The following GABRB1 variants were observed in gnomAD, a reference collection of about 807,000 sequenced individuals.
The protein encoded by GABRB1 is gamma-aminobutyric acid type A receptor subunit beta1.
GABRB1 carries 17 observed loss-of-function variants against 51.6 expected under a neutral mutation model. The observed-to-expected ratio is 0.33, with a 90% CI of 0.23 to 0.49. GABRB1 has a LOEUF of 0.49. Ranked by LOEUF, GABRB1 falls within the 20% of genes least tolerant of loss-of-function variation. The probability of loss-of-function intolerance (pLI) is 0.99; values close to 1 mark genes in which losing one functional copy is unlikely to be tolerated. For missense variants in GABRB1, 410 were observed against 600.6 expected (o/e 0.68, Z 3.32); for synonymous variants, 247 against 218.9 (o/e 1.13, Z -1.14).
At chr4:47,243,822 T>C (rs1207252698) in intron 4 of GABRB1, among the ~76,000 whole-genome samples, 1 of 152,230 alleles carries the variant, frequency 6.6e-6, no homozygotes, top group East Asian at 1.9e-4. Context: ...AATCATGTCA[T>C]CTGCAAACAG....
rs139118574 is a variant in GABRB1 at position 47,339,988 on chromosome 4, G to T, written c.544+19779G>T. Among the ~76,000 whole-genome samples, 754 of 152,232 alleles carry T rather than the reference G, an allele frequency of 5.0e-3. 6 individuals carry two copies. Among genetic ancestry groups the T allele is most frequent in the African/African-American group, 0.017 (721 of 41,546 alleles). Reference sequence around the variant, plus strand: ...CCTCCAAAGTGCTAACTATAACTTTGTGCATATAAATGCATTTAGTTGAAA... The same window carrying T: ...CCTCCAAAGTGCTAACTATAACTTTTTGCATATAAATGCATTTAGTTGAAA... On this transcript the variant is annotated intron_variant, in intron 5 of 8. Transcript: ENST00000295454.
chr4:47,309,141 G>GA (rs1230012359), intron 4 of GABRB1, among the ~76,000 whole-genome samples: 1 of 151,978 alleles, frequency 6.6e-6, no homozygotes, highest in African/African-American at 2.4e-5. Context: ...TACAATTTAG[G>GA]AAAAATAGTA....
chr4:47,102,394 A>G (rs1311776666), intron 3 of GABRB1, among the ~76,000 whole-genome samples: 1 of 152,028 alleles, frequency 6.6e-6, no homozygotes, highest in Non-Finnish European at 1.5e-5. Context: ...ACTTCCAGGA[A>G]GTTTAAAAGA....
At chr4:47,092,609 C>CT (rs58016946) in intron 3 of GABRB1, among the ~76,000 whole-genome samples, 17,552 of 144,512 alleles carry the variant, frequency 0.12, 1,418 homozygotes, top group African/African-American at 0.23. Flanking sequence ...CAGTTTCTTT[C>CT]TTTTTTTTTT....
intron 3 of GABRB1, among the ~76,000 whole-genome samples, chr4:47,127,618 G>C (rs555968743): frequency 6.6e-6 from 1 of 151,296 alleles, no homozygotes; most frequent in African/African-American, 2.4e-5. Flanking sequence ...ATGTTTTCTC[G>C]TTATTCTTTT....
intron 4 of GABRB1, among the ~76,000 whole-genome samples, chr4:47,226,908 C>A (rs1396833570): frequency 6.6e-6 from 1 of 152,078 alleles, no homozygotes; most frequent in African/African-American, 2.4e-5. Context: ...GGAGCAGAGA[C>A]AATGGAAACA....
At chr4:47,041,006 C>A (rs1051910564) in intron 3 of GABRB1, among the ~76,000 whole-genome samples, 2 of 152,106 alleles carry the variant, frequency 1.3e-5, no homozygotes, top group African/African-American at 4.8e-5. Flanking sequence ...AGCATCTGGT[C>A]TCTTCTCCAC....
chr4:47,162,537 C>T (rs181949169), intron 4 of GABRB1, among the ~76,000 whole-genome samples: 109 of 152,006 alleles, frequency 7.2e-4, no homozygotes, highest in Admixed American at 1.8e-3. Context: ...CAAATTATTA[C>T]CAGCATCTAC....
intron 4 of GABRB1, among the ~76,000 whole-genome samples, chr4:47,284,699 C>T (rs924279962): frequency 6.6e-6 from 1 of 152,104 alleles, no homozygotes; most frequent in African/African-American, 2.4e-5. Context: ...AAAGGGCAAC[C>T]ATGATTGGTA....
chr4:47,111,515 G>A (rs1715208889), intron 3 of GABRB1, among the ~76,000 whole-genome samples: 2 of 152,044 alleles, frequency 1.3e-5, no homozygotes, highest in Admixed American at 1.3e-4. Flanking sequence ...TTTTAAACTT[G>A]AAATCGGTGC....
intron 1 of GABRB1, among the ~76,000 whole-genome samples, chr4:47,013,677 T>C (rs1305479985): frequency 6.6e-6 from 1 of 152,232 alleles, no homozygotes; most frequent in Admixed American, 6.5e-5. Flanking sequence ...CATTCTTTTA[T>C]TGACTTGGCT....
chr4:47,086,698 CTT>C (rs914612342), intron 3 of GABRB1, among the ~76,000 whole-genome samples: 45 of 152,290 alleles, frequency 3.0e-4, no homozygotes, highest in African/African-American at 9.4e-4. Flanking sequence ...TTATATCACT[CTT>C]ATTTCATTGG....
intron 4 of GABRB1, among the ~76,000 whole-genome samples, chr4:47,315,569 A>G (rs1724853272): frequency 6.6e-6 from 1 of 151,916 alleles, no homozygotes. Context: ...TACCTTAAAG[A>G]TACATACACA....
At chr4:47,080,413 T>C (rs1727779018) in intron 3 of GABRB1, among the ~76,000 whole-genome samples, 1 of 152,146 alleles carries the variant, frequency 6.6e-6, no homozygotes, top group South Asian at 2.1e-4. Flanking sequence ...AATAATACTA[T>C]TGTCAGTTTT....
intron 3 of GABRB1, among the ~76,000 whole-genome samples, chr4:47,102,258 G>A (rs1714755129): frequency 1.3e-5 from 2 of 151,906 alleles, no homozygotes; most frequent in Admixed American, 1.3e-4. Flanking sequence ...ATAATATTTT[G>A]CTTTCATTAG....
intron 4 of GABRB1, among the ~76,000 whole-genome samples, chr4:47,234,660 A>G (rs188640243): frequency 4.6e-4 from 70 of 152,286 alleles, no homozygotes; most frequent in African/African-American, 1.5e-3. Context: ...CTGCCATCTT[A>G]AATTTAAGTT....
chr4:47,329,967 T>A (rs982429646), intron 5 of GABRB1, among the ~76,000 whole-genome samples: 2 of 151,994 alleles, frequency 1.3e-5, no homozygotes, highest in African/African-American at 2.4e-5. Flanking sequence ...AGAGAGCCAA[T>A]GGTGTAATTC....
chr4:47,237,560 C>T (rs1316198331), intron 4 of GABRB1, among the ~76,000 whole-genome samples: 3 of 151,956 alleles, frequency 2.0e-5, no homozygotes, highest in African/African-American at 4.8e-5. Context: ...TATAATTAAG[C>T]TGCTGTACTT....
intron 3 of GABRB1, among the ~76,000 whole-genome samples, chr4:47,150,379 CAG>C (rs71195609): frequency 8.3e-4 from 73 of 87,620 alleles, no homozygotes; most frequent in African/African-American, 2.0e-3. Flanking sequence ...TACACACACA[CAG>C]AGAGAGAGAG....
Sources: allele counts gnomAD v4.1 joint callset (sites outside exome capture counted in the v4.1 genomes callset), GRCh38; gene constraint gnomAD v4.1.1; transcripts MANE v1.5; gene names NCBI Gene and HGNC (gene_info 2026-07-23, HGNC 2026-07-21).